Variants in GALNT14 observed in about 807,000 individuals in gnomAD.
The protein encoded by GALNT14 is polypeptide N-acetylgalactosaminyltransferase 14, also known as UDP-GalNAc:polypeptide N-acetylgalactosaminyltransferase 14.
A neutral mutation model predicts 77.5 loss-of-function variants in GALNT14; 60 were observed. That is an observed-to-expected ratio of 0.77 (90% CI 0.63 to 0.96). The LOEUF (loss-of-function observed/expected upper bound fraction) is 0.96. Among genes scored for constraint, GALNT14 ranks in the 40% least tolerant of loss-of-function variants. The pLI is 0.00. For synonymous variants in GALNT14, 280 were observed against 281.7 expected, an observed-to-expected ratio of 0.99 and a Z score of 0.06; for missense variants, 710 against 731.0, an observed-to-expected ratio of 0.97 and a Z score of 0.33.
At chr2:30,945,939 G>T in intron 6 of GALNT14, 69 bp from the exon 7 acceptor site, 1 of 1,277,746 alleles carries the variant, frequency 7.8e-7, no homozygotes, top group Non-Finnish European at 1.1e-6. Flanking sequence ...AGCTTGGGAT[G>T]GCCTCGTGAG....
chr2:31,120,176 A>T (rs950217269), intron 1 of GALNT14, among the ~76,000 whole-genome samples: 2 of 151,862 alleles, frequency 1.3e-5, no homozygotes, highest in East Asian at 1.9e-4. Flanking sequence ...AAAAAAAAAA[A>T]AAATAATGAG....
chr2:31,043,074 C>T (rs1673198778), intron 1 of GALNT14, among the ~76,000 whole-genome samples: 1 of 152,176 alleles, frequency 6.6e-6, no homozygotes, highest in Non-Finnish European at 1.5e-5. Context: ...TCCACTTTGG[C>T]TATACCTGAC....
chr2:31,068,602 C>G (rs2148557955), intron 1 of GALNT14, among the ~76,000 whole-genome samples: 1 of 152,252 alleles, frequency 6.6e-6, no homozygotes, highest in East Asian at 1.9e-4. Context: ...CTACCTCCCC[C>G]TGCAAAGAAG....
chr2:30,936,893 T>G (rs554519436), intron 9 of GALNT14, among the ~76,000 whole-genome samples: 2 of 152,250 alleles, frequency 1.3e-5, no homozygotes, highest in East Asian at 3.9e-4. Context: ...CTTTCCATAT[T>G]CTCTATGCAA....
the GALNT14 span, among the ~76,000 whole-genome samples, chr2:30,898,119 C>T: frequency 6.6e-6 from 1 of 152,066 alleles, no homozygotes; most frequent in African/African-American, 2.4e-5. Flanking sequence ...GGGATTAGTG[C>T]CCTTATAAAA....
chr2:31,104,944 T>C (rs1479968251), intron 1 of GALNT14, among the ~76,000 whole-genome samples: 1 of 152,184 alleles, frequency 6.6e-6, no homozygotes, highest in Non-Finnish European at 1.5e-5. Flanking sequence ...TTTACTAATA[T>C]TGTGCCAATA....
At chr2:30,893,988 T>C in the GALNT14 span, among the ~76,000 whole-genome samples, 224 of 152,312 alleles carry the variant, frequency 1.5e-3, 9 homozygotes, top group East Asian at 0.038. Flanking sequence ...TATTCTCATG[T>C]TTTTTAAATT....
chr2:31,053,729 T>C (rs1674040493), intron 1 of GALNT14, among the ~76,000 whole-genome samples: 1 of 152,156 alleles, frequency 6.6e-6, no homozygotes, highest in Non-Finnish European at 1.5e-5. Flanking sequence ...AGCCCACAAA[T>C]ACTTAGCTTC....
intron 1 of GALNT14, among the ~76,000 whole-genome samples, chr2:31,109,319 A>T (rs944887596): frequency 6.6e-6 from 1 of 152,214 alleles, no homozygotes; most frequent in Non-Finnish European, 1.5e-5. Context: ...ATTTCTCTGA[A>T]TTGCCCACCT....
At chr2:30,946,260 G>A (rs922985866) in intron 6 of GALNT14, among the ~76,000 whole-genome samples, 1 of 152,168 alleles carries the variant, frequency 6.6e-6, no homozygotes, top group African/African-American at 2.4e-5. Flanking sequence ...TGGTGATACG[G>A]TTTGGATCTG....
chr2:31,019,534 A>C (rs1368790381), intron 1 of GALNT14, among the ~76,000 whole-genome samples: 1 of 152,120 alleles, frequency 6.6e-6, no homozygotes, highest in Non-Finnish European at 1.5e-5. Flanking sequence ...ACACGGGTCC[A>C]CCACACAGCC....
At chr2:30,972,517 C>G (rs1055266993) in intron 2 of GALNT14, among the ~76,000 whole-genome samples, 1 of 152,170 alleles carries the variant, frequency 6.6e-6, no homozygotes, top group African/African-American at 2.4e-5. Flanking sequence ...CACAGTAATC[C>G]TATGAGGCTG....
At chr2:31,050,450 C>T (rs1242358278) in intron 1 of GALNT14, among the ~76,000 whole-genome samples, 2 of 151,860 alleles carry the variant, frequency 1.3e-5, no homozygotes, top group Non-Finnish European at 2.9e-5. Context: ...GGAGGGAGGA[C>T]TAAAAAGGGG....
intron 9 of GALNT14, among the ~76,000 whole-genome samples, chr2:30,941,302 G>C (rs1666364942): frequency 6.6e-6 from 1 of 152,178 alleles, no homozygotes; most frequent in African/African-American, 2.4e-5. Flanking sequence ...CTAAGCACTG[G>C]AGACAGCCAG....
intron 1 of GALNT14, among the ~76,000 whole-genome samples, chr2:31,079,410 T>A (rs1676018076): frequency 6.6e-6 from 1 of 152,150 alleles, no homozygotes; most frequent in Admixed American, 6.5e-5. Flanking sequence ...TCCTTACCTC[T>A]GAGGAAGAGC....
intron 1 of GALNT14, among the ~76,000 whole-genome samples, chr2:31,002,065 T>A (rs1334337320): frequency 6.6e-6 from 1 of 152,196 alleles, no homozygotes; most frequent in African/African-American, 2.4e-5. Flanking sequence ...AGGCTGGTTA[T>A]ACTGTTACCA....
At chr2:31,120,358 G>A (rs1431197692) in intron 1 of GALNT14, among the ~76,000 whole-genome samples, 1 of 152,156 alleles carries the variant, frequency 6.6e-6, no homozygotes, top group Admixed American at 6.5e-5. Context: ...AGCTATTGAA[G>A]TTCACATATC....
intron 7 of GALNT14, among the ~76,000 whole-genome samples, 178 bp downstream of exon 7, chr2:30,945,605 A>G (rs369038867): frequency 1.2e-3 from 180 of 152,322 alleles, no homozygotes; most frequent in African/African-American, 4.1e-3. Flanking sequence ...CCCACCCCCT[A>G]GCCCTTCCAT....
At chr2:30,908,874 G>C (rs985477154), downstream of GALNT14, among the ~76,000 whole-genome samples, 16 of 149,650 alleles carry the variant, frequency 1.1e-4, no homozygotes, top group African/African-American at 4.0e-4. Context: ...TAGATCAATG[G>C]AACAGAACAG....
Sources: gnomAD v4.1 joint callset for allele counts (sites outside exome capture counted in the v4.1 genomes callset) on GRCh38, gnomAD v4.1.1 for gene constraint, MANE v1.5 for transcripts, NCBI Gene and HGNC (gene_info 2026-07-23, HGNC 2026-07-21) for gene names.